Variants in LATS1 observed in about 807,000 individuals in gnomAD.
LATS1 encodes the protein large tumor suppressor kinase 1, also known as serine/threonine-protein kinase LATS1.
Under a neutral mutation model 106.6 loss-of-function variants are expected in LATS1, and 25 were observed. The observed-to-expected ratio is 0.23, with a 90% CI of 0.17 to 0.33. LATS1 has a LOEUF of 0.33. Ranked by LOEUF, LATS1 falls within the 10% of genes least tolerant of loss-of-function variation. The probability of loss-of-function intolerance (pLI) is 1.00; values close to 1 mark genes in which losing one functional copy is unlikely to be tolerated. For missense variants in LATS1, 1,040 were observed against 1,382.6 expected (o/e 0.75, Z 3.93); for synonymous variants, 465 against 455.6 (o/e 1.02, Z -0.26).
At chr6:149,678,356 A>ACAAG (rs71703704) in intron 5 of LATS1, among the ~76,000 whole-genome samples, 5 of 151,640 alleles carry the variant, frequency 3.3e-5, no homozygotes, top group African/African-American at 1.2e-4. Context: ...AAACAAACAA[A>ACAAG]CAAACAAACA....
chr6:149,688,933 C>A (rs1000703421), intron 3 of LATS1, among the ~76,000 whole-genome samples: 4 of 151,744 alleles, frequency 2.6e-5, no homozygotes, highest in African/African-American at 7.3e-5. Context: ...TTTAGGAGGC[C>A]GAGGTGGGCG....
chr6:149,698,447 T>C (rs1783235315), intron 2 of LATS1, among the ~76,000 whole-genome samples: 1 of 152,162 alleles, frequency 6.6e-6, no homozygotes, highest in Admixed American at 6.5e-5. Flanking sequence ...GGTCTCACTA[T>C]GTTGCCCAGG....
At chr6:149,689,642 T>C (rs1005769968) in intron 3 of LATS1, among the ~76,000 whole-genome samples, 4 of 152,186 alleles carry the variant, frequency 2.6e-5, no homozygotes, top group Admixed American at 2.0e-4. Context: ...GTCTCCACTA[T>C]TGCCAGTCCT....
intron 1 of LATS1, among the ~76,000 whole-genome samples, chr6:149,712,261 G>C (rs545671566): frequency 8.5e-5 from 13 of 152,140 alleles, no homozygotes; most frequent in African/African-American, 2.9e-4. Flanking sequence ...GCAATGGCGC[G>C]ATCTTGGCTC....
intron 1 of LATS1, among the ~76,000 whole-genome samples, chr6:149,704,576 T>C (rs1463842828): frequency 2.0e-5 from 3 of 149,998 alleles, no homozygotes; most frequent in Non-Finnish European, 1.5e-5. Flanking sequence ...AGCCTCAACC[T>C]CCTGTGCTCA....
Position 149,665,658 on chromosome 6 carries a change from T to A in LATS1, c.2884-3420A>T, listed in dbSNP as rs116076565. ...CCAAACTGTAACTATGTGGATCTAA[T>A]CCTAAGGAGCATACCAAAGACTTTG... On this transcript the variant is annotated intron_variant, in intron 7 of 7. Transcript: ENST00000543571. 4.4e-3 allele frequency among the ~76,000 whole-genome samples: 665 copies of A among 152,138 alleles called. 3 individuals carry two copies. Among genetic ancestry groups the A allele is most frequent in the African/African-American group, 0.015 (631 of 41,494 alleles).
chr6:149,665,638 C>G (rs1030246468), intron 7 of LATS1, among the ~76,000 whole-genome samples: 3 of 152,170 alleles, frequency 2.0e-5, no homozygotes, highest in Non-Finnish European at 4.4e-5. Context: ...CCCCTCCAAA[C>G]TGTAACTATG....
At chr6:149,690,385 G>T (rs1782673134) in intron 3 of LATS1, among the ~76,000 whole-genome samples, 2 of 150,956 alleles carry the variant, frequency 1.3e-5, no homozygotes, top group Admixed American at 6.6e-5. Flanking sequence ...AGCTAATTTG[G>T]TATTTTTATT....
intron 1 of LATS1, among the ~76,000 whole-genome samples, chr6:149,707,307 C>T (rs936538164): frequency 3.9e-5 from 6 of 152,016 alleles, no homozygotes; most frequent in African/African-American, 1.2e-4. Context: ...AGCCACTGTG[C>T]CCGGCCGGAC....
chr6:149,683,094 C>T lies in LATS1; in HGVS notation c.1995G>A (p.Glu665=), dbSNP rs1474559355. 1.2e-6 allele frequency: 2 copies of T among 1,611,530 alleles called. No homozygotes were observed. The highest frequency in any genetic ancestry group is 1.7e-6 in the Non-Finnish European group (2 of 1,179,022). The stretch of plus-strand genomic sequence containing the variant: ...AAGGTTTTACCCGCATCATTTCATT[C>T]TCTAATTGTTTTTTACGATGTAGAC... ...QQRLHRKKQL[E]NEMMRVGLSQ... Residue 665 remains glutamate, a synonymous_variant, in exon 4 of 8, where the codon GAG becomes GAA. Transcript: ENST00000543571.
intron 2 of LATS1, among the ~76,000 whole-genome samples, chr6:149,695,686 A>G (rs1393096451): frequency 6.6e-6 from 1 of 151,972 alleles, no homozygotes; most frequent in Admixed American, 6.6e-5. Flanking sequence ...GAAAAAAAAA[A>G]AAAAAAGAAA....
At chr6:149,684,626 A>G in intron 3 of LATS1, 34 bp from the exon 4 acceptor site, 1 of 1,461,604 alleles carries the variant, frequency 6.8e-7, no homozygotes, top group Non-Finnish European at 9.1e-7. Flanking sequence ...AGAAAAAAGA[A>G]TCATGTTTTT....
At chr6:149,709,668 C>CTTTTT (rs142425039) in intron 1 of LATS1, among the ~76,000 whole-genome samples, 1 of 75,504 alleles carries the variant, frequency 1.3e-5, no homozygotes, top group Admixed American at 2.0e-4. Flanking sequence ...AACCCCTTAT[C>CTTTTT]TTTTTTTTTT....
chr6:149,705,912 A>G (rs1783734800), intron 1 of LATS1, among the ~76,000 whole-genome samples: 1 of 152,098 alleles, frequency 6.6e-6, no homozygotes, highest in Non-Finnish European at 1.5e-5. Flanking sequence ...AGCCAGGCAC[A>G]GTGGCTCACT....
chr6:149,678,195 A>AAAAAC (rs35255756), intron 5 of LATS1, among the ~76,000 whole-genome samples: 1 of 140,754 alleles, frequency 7.1e-6, no homozygotes, highest in Non-Finnish European at 1.5e-5. Flanking sequence ...AAAAAAAAAA[A>AAAAAC]TAGCCGGGCG....
chr6:149,689,411 C>T (rs1370041368), intron 3 of LATS1, among the ~76,000 whole-genome samples: 1 of 135,288 alleles, frequency 7.4e-6, no homozygotes, highest in African/African-American at 2.7e-5. Flanking sequence ...GTGGCTCATG[C>T]CTGTCTCAAA....
intron 2 of LATS1, among the ~76,000 whole-genome samples, chr6:149,698,716 G>A (rs1269427394): frequency 3.3e-5 from 5 of 151,874 alleles, no homozygotes; most frequent in South Asian, 2.1e-4. Flanking sequence ...ACTAGGCCCA[G>A]CTAATGTTTT....
At chr6:149,662,966 C>CAAA (rs61479102) in intron 7 of LATS1, among the ~76,000 whole-genome samples, 10 of 96,192 alleles carry the variant, frequency 1.0e-4, no homozygotes, top group Non-Finnish European at 1.6e-4. Context: ...ACACTGTCTC[C>CAAA]AAAAAAAAAA....
At chr6:149,706,414 G>A (rs1783775984) in intron 1 of LATS1, among the ~76,000 whole-genome samples, 1 of 151,646 alleles carries the variant, frequency 6.6e-6, no homozygotes, top group African/African-American at 2.4e-5. Flanking sequence ...GGTGACTGAG[G>A]TGGGAGGATC....
Sources: allele counts gnomAD v4.1 joint callset (sites outside exome capture counted in the v4.1 genomes callset), GRCh38; gene constraint gnomAD v4.1.1; transcripts MANE v1.5; gene names NCBI Gene and HGNC (gene_info 2026-07-23, HGNC 2026-07-21).